Variants in SLC13A1 observed in about 807,000 individuals in gnomAD.
The protein encoded by SLC13A1 is Na(+)/sulfate cotransporter.
A neutral mutation model predicts 70.0 loss-of-function variants in SLC13A1; 65 were observed. The observed-to-expected ratio is 0.93, with a 90% confidence interval of 0.76 to 1.14. The LOEUF is 1.14. Ranked by LOEUF, SLC13A1 falls within the 50% of genes most tolerant of loss-of-function variation. The pLI, the probability that SLC13A1 is intolerant of heterozygous loss-of-function variation, is 0.00. For synonymous variants in SLC13A1, 275 were observed against 250.5 expected (o/e 1.10, Z -0.92); for missense variants, 726 against 717.8 (o/e 1.01, Z -0.13).
At chr7:123,153,631 A>G (rs1181445901) in intron 6 of SLC13A1, among the ~76,000 whole-genome samples, 1 of 152,068 alleles carries the variant, frequency 6.6e-6, no homozygotes, top group Non-Finnish European at 1.5e-5. Flanking sequence ...CCACTAAATG[A>G]GCCAACTAGT....
At chr7:123,162,421 A>AT (rs2116505204) in intron 6 of SLC13A1, among the ~76,000 whole-genome samples, 1 of 152,216 alleles carries the variant, frequency 6.6e-6, no homozygotes, top group African/African-American at 2.4e-5. Flanking sequence ...TGATTCCTAA[A>AT]GGGTGTATGG....
Position 123,114,362 on chromosome 7 carries a change from AT to A in SLC13A1, c.*1155del, listed in dbSNP as rs2116222032. On this transcript the variant is annotated 3_prime_UTR_variant, in exon 15 of 15. Coordinates refer to ENST00000194130, the MANE Select transcript of SLC13A1 (RefSeq NM_022444.4). ...AATGTGTAATTGTCACATCAGGGTA[AT>A]TGGAAACTCATTCTTTTTCGCATCC... 6.6e-6 allele frequency: 1 copy of A among 152,222 alleles called. No homozygotes were observed. Among genetic ancestry groups the A allele is most frequent in the South Asian group, 2.1e-4 (1 of 4,830 alleles). The allele number at this position is 152,222 out of a possible 1,614,324, so 9.4% of individuals were successfully genotyped here.
chr7:123,131,370 A>C (rs1312357272), intron 8 of SLC13A1, among the ~76,000 whole-genome samples: 1 of 152,136 alleles, frequency 6.6e-6, no homozygotes, highest in Non-Finnish European at 1.5e-5. Context: ...CTTAGAAACA[A>C]TTTTCCACCC....
At chr7:123,136,009 G>C (rs989741165) in intron 7 of SLC13A1, among the ~76,000 whole-genome samples, 3 of 152,166 alleles carry the variant, frequency 2.0e-5, no homozygotes, top group African/African-American at 7.2e-5. Context: ...TAAAGTAATG[G>C]GAGAAAAGCT....
At chr7:123,130,290 A>G (rs1403553448) in intron 8 of SLC13A1, among the ~76,000 whole-genome samples, 6 of 152,202 alleles carry the variant, frequency 3.9e-5, no homozygotes, top group Non-Finnish European at 8.8e-5. Flanking sequence ...CACTATTCAC[A>G]ATAGCAAAGA....
intron 1 of SLC13A1, chr7:123,190,487 G>C (rs1002144417): frequency 4.4e-6 from 2 of 451,886 alleles, no homozygotes; most frequent in African/African-American, 4.0e-5. Context: ...AAGTAAGGGG[G>C]AAGGGTCCTT....
intron 12 of SLC13A1, 100 bp downstream of exon 12, chr7:123,123,026 T>A: frequency 1.1e-6 from 1 of 952,160 alleles, no homozygotes; most frequent in East Asian, 2.4e-5. Flanking sequence ...AACATTAAAA[T>A]GACAGAGTGA....
rs377251529 is a variant in SLC13A1 at position 123,117,660 on chromosome 7, A to G, written c.1513-52T>C. 3.7e-5 allele frequency: 46 copies of G among 1,248,712 alleles called. No homozygotes were observed. In the African/African-American group the frequency reaches 5.9e-4, roughly 16 times the overall value. 77.4% of individuals were successfully genotyped at this position (1,248,712 alleles called of 1,614,324 possible). Reference sequence around the variant, plus strand: ...AAGTAAAATTTTGAGGGTAGACACGAAACATAAAAAAAAAAAAAGTATTAC... The same window carrying G: ...AAGTAAAATTTTGAGGGTAGACACGGAACATAAAAAAAAAAAAAGTATTAC... On this transcript the variant is annotated intron_variant, in intron 13 of 14. Transcript: ENST00000194130.
chr7:123,190,147 C>T (rs1351819104), intron 1 of SLC13A1, among the ~76,000 whole-genome samples: 1 of 152,110 alleles, frequency 6.6e-6, no homozygotes, highest in Non-Finnish European at 1.5e-5. Context: ...CAAGGATACT[C>T]AGTTTAAAGT....
chr7:123,167,519 A>C (rs1795115543), intron 6 of SLC13A1, among the ~76,000 whole-genome samples: 1 of 152,158 alleles, frequency 6.6e-6, no homozygotes, highest in African/African-American at 2.4e-5. Context: ...AGATGAAGAA[A>C]TATATGTCCC....
chr7:123,169,455 T>A (rs1423194375), intron 3 of SLC13A1, 120 bp from the exon 4 acceptor site: 2 of 903,304 alleles, frequency 2.2e-6, no homozygotes, highest in Admixed American at 4.8e-5. Flanking sequence ...TTTCAAAACA[T>A]GGAAGGTTAA....
At chr7:123,165,738 C>T (rs1372472350) in intron 6 of SLC13A1, among the ~76,000 whole-genome samples, 1 of 152,150 alleles carries the variant, frequency 6.6e-6, no homozygotes. Flanking sequence ...CACAACAGCT[C>T]ATCTCTAGCA....
chr7:123,131,180 A>T (rs1585302731), intron 8 of SLC13A1, among the ~76,000 whole-genome samples: 1 of 152,196 alleles, frequency 6.6e-6, no homozygotes, highest in East Asian at 1.9e-4. Flanking sequence ...ACAGTGCTAC[A>T]TTTATGATCA....
intron 4 of SLC13A1, 88 bp from the exon 5 acceptor site, chr7:123,168,649 A>G (rs1795152603): frequency 2.2e-6 from 2 of 917,524 alleles, no homozygotes; most frequent in Admixed American, 4.9e-5. Flanking sequence ...TGGAAGCATT[A>G]GTAGAAATTG....
In SLC13A1 at chr7:123,115,381, G is replaced by A. The variant is rs1269035838; in HGVS notation, c.*137C>T. On this transcript the variant is annotated 3_prime_UTR_variant, in exon 15 of 15. Transcript: ENST00000194130. ...ACTCTGAGTTATAACAGCAGGTTTC[G>A]GGTATTCACAGGAATTGCAGCAGCT... The A allele has an allele frequency of 6.9e-5, 55 of 793,352 alleles. No individual in the cohort carries two copies. Among genetic ancestry groups the A allele is most frequent in the Non-Finnish European group, 1.0e-4 (52 of 508,806 alleles). 49.1% of individuals were successfully genotyped at this position (793,352 alleles called of 1,614,324 possible).
intron 9 of SLC13A1, 41 bp downstream of exon 9, chr7:123,129,341 TG>T: frequency 1.4e-6 from 1 of 707,460 alleles, no homozygotes; most frequent in Non-Finnish European, 2.1e-6. Flanking sequence ...TGTGTGTGTG[TG>T]TGTGTGTGTG....
intron 8 of SLC13A1, among the ~76,000 whole-genome samples, chr7:123,132,589 C>A (rs1033958998): frequency 2.0e-5 from 3 of 152,126 alleles, no homozygotes; most frequent in African/African-American, 4.8e-5. Context: ...CCAGGCTGGT[C>A]TCTAACTGCT....
At chr7:123,169,430 T>C in intron 3 of SLC13A1, 95 bp from the exon 4 acceptor site, 1 of 1,179,546 alleles carries the variant, frequency 8.5e-7, no homozygotes, top group Non-Finnish European at 1.2e-6. Context: ...GTTTTGTGAG[T>C]TGGGAAATTA....
chr7:123,161,395 C>T (rs564298832), intron 6 of SLC13A1, among the ~76,000 whole-genome samples: 5 of 151,926 alleles, frequency 3.3e-5, no homozygotes, highest in Non-Finnish European at 7.4e-5. Context: ...AACAACCACA[C>T]ACTACTAAAT....
Sources: allele counts gnomAD v4.1 joint callset (sites outside exome capture counted in the v4.1 genomes callset), GRCh38; gene constraint gnomAD v4.1.1; transcripts MANE v1.5; gene names NCBI Gene and HGNC (gene_info 2026-07-23, HGNC 2026-07-21).